The following RALGAPA2 variants were observed in gnomAD, a reference collection of about 807,000 sequenced individuals.
RALGAPA2 encodes ral GTPase-activating protein subunit alpha-2.
Under a neutral mutation model 230.4 loss-of-function variants are expected in RALGAPA2, and 139 were observed. The observed-to-expected ratio is 0.60, with a 90% CI of 0.53 to 0.69. The LOEUF (loss-of-function observed/expected upper bound fraction) is 0.69, where lower values mean the gene tolerates loss of function less well. RALGAPA2 is among the 30% of genes least tolerant of loss of function. The pLI is 0.00. For missense variants in RALGAPA2, 2,163 were observed against 2,276.0 expected (o/e 0.95, Z 1.01); for synonymous variants, 847 against 837.8 (o/e 1.01, Z -0.19).
intron 18 of RALGAPA2, among the ~76,000 whole-genome samples, chr20:20,588,817 T>A (rs2065205247): frequency 6.6e-6 from 1 of 152,114 alleles, no homozygotes; most frequent in African/African-American, 2.4e-5. Flanking sequence ...ATGTTTTAAT[T>A]TTCTTCTTTA....
intron 30 of RALGAPA2, among the ~76,000 whole-genome samples, chr20:20,522,358 A>T (rs778777224): frequency 1.3e-5 from 2 of 152,182 alleles, no homozygotes; most frequent in African/African-American, 4.8e-5. Flanking sequence ...GGTTTATTCT[A>T]TGTAATACTA....
Position 20,495,120 on chromosome 20 carries a change from A to G in RALGAPA2, c.5364T>C (p.Pro1788=). 6.2e-7 allele frequency: 1 copy of G among 1,601,548 alleles called. No individual in the cohort carries two copies. Among genetic ancestry groups the G allele is most frequent in the Non-Finnish European group, 8.5e-7 (1 of 1,170,056 alleles). ...CAACAATGCAATGAAAACGTACCTCAGGTTTCTTCGTTATCGCGATGAAGA... is the reference window on the plus strand; with the variant it reads ...CAACAATGCAATGAAAACGTACCTCGGGTTTCTTCGTTATCGCGATGAAGA... The part of the protein sequence containing the change: ...HMFFIAITKK[P]EVPFFGPLFD... The change falls in exon 36 of 40, where the codon CCT becomes CCC. Residue 1788 remains proline, a synonymous_variant. Transcript: ENST00000202677.
chr20:20,402,099 T>C (rs181070063), intron 38 of RALGAPA2, among the ~76,000 whole-genome samples: 1 of 152,110 alleles, frequency 6.6e-6, no homozygotes, highest in East Asian at 1.9e-4. Context: ...GAGCAATGAG[T>C]CCTGTCTGAG....
In RALGAPA2 at chr20:20,499,500, C is replaced by T. The variant is rs1390636752; in HGVS notation, c.5208+3851G>A. ...TGCAAATAAAAAAGATGTGTGAGCC[C>T]AGCTTAGGATCCTGGTAAGCTACAC... On this transcript the variant is annotated intron_variant, in intron 35 of 39. Coordinates refer to ENST00000202677, the MANE Select transcript of RALGAPA2 (RefSeq NM_020343.4). Among the ~76,000 whole-genome samples, 8 of 152,022 alleles carry T rather than the reference C, an allele frequency of 5.3e-5. No individual in the cohort carries two copies. The South Asian group carries it at 1.5e-3, about 28-fold the overall frequency.
intron 37 of RALGAPA2, among the ~76,000 whole-genome samples, chr20:20,458,790 CTA>C (rs148370065): frequency 4.4e-3 from 50 of 11,242 alleles, no homozygotes; most frequent in African/African-American, 0.015. Context: ...ATATATAGAC[CTA>C]TATATATATA....
intron 37 of RALGAPA2, among the ~76,000 whole-genome samples, chr20:20,428,891 A>T (rs2060445781): frequency 6.6e-6 from 1 of 151,806 alleles, no homozygotes; most frequent in Non-Finnish European, 1.5e-5. Flanking sequence ...CCCTCCTCTA[A>T]ATCTTTGATC....
chr20:20,521,122 G>A, intron 30 of RALGAPA2, 22 bp from the exon 31 acceptor site: 2 of 1,567,748 alleles, frequency 1.3e-6, no homozygotes, highest in African/African-American at 1.4e-5. Flanking sequence ...GAGGCCATGT[G>A]CACCACGGAT....
At chr20:20,415,339 G>A (rs1569376598) in intron 37 of RALGAPA2, among the ~76,000 whole-genome samples, 1 of 152,282 alleles carries the variant, frequency 6.6e-6, no homozygotes, top group South Asian at 2.1e-4. Flanking sequence ...TCACCAATCC[G>A]ATCCCTGTTT....
intron 1 of RALGAPA2, among the ~76,000 whole-genome samples, chr20:20,685,274 T>G (rs1205719548): frequency 6.6e-6 from 1 of 152,098 alleles, no homozygotes; most frequent in Non-Finnish European, 1.5e-5. Context: ...CCCGAGGCCC[T>G]CAGGGGTGCA....
intron 1 of RALGAPA2, among the ~76,000 whole-genome samples, chr20:20,689,579 T>A (rs191815060): frequency 7.9e-5 from 12 of 152,056 alleles, no homozygotes; most frequent in African/African-American, 2.9e-4. Flanking sequence ...GAGGCGGAGG[T>A]TGCAGTGAGC....
At chr20:20,643,685 G>C in intron 4 of RALGAPA2, 136 bp from the exon 5 acceptor site, 3 of 801,918 alleles carry the variant, frequency 3.7e-6, no homozygotes, top group Non-Finnish European at 5.3e-6. Flanking sequence ...CAGAAGCAAA[G>C]CAATGTCACA....
In RALGAPA2 at chr20:20,712,635, C is replaced by T; in HGVS notation, c.-155G>A. The T allele has an allele frequency of 1.7e-6, 2 of 1,179,356 alleles. No individual in the cohort carries two copies. The highest frequency in any genetic ancestry group is 4.1e-5 in the East Asian group (1 of 24,244). The allele number at this position is 1,179,356 out of a possible 1,614,324, so 73.1% of individuals were successfully genotyped here. A position where few individuals can be genotyped will look rare whatever the true frequency, so the allele number is the denominator to read the frequency against. On this transcript the variant is annotated 5_prime_UTR_variant, in exon 1 of 40. Transcript: ENST00000202677. This position sits in a 1 kb window ranked among gnomAD's most constrained non-coding sequence, Gnocchi z 5.5. ...GCCGCCGCCGCCGCCGCCGCCTCAG[C>T]TGTGTCTCCAGGAAGGAGGGGCGGG...
At chr20:20,567,560 T>C (rs1169946618) in intron 23 of RALGAPA2, among the ~76,000 whole-genome samples, 3 of 152,190 alleles carry the variant, frequency 2.0e-5, no homozygotes, top group African/African-American at 7.2e-5. Context: ...GTTGGACCAA[T>C]ACGCTTGCTG....
chr20:20,549,792 C>G (rs1025338303), intron 23 of RALGAPA2, among the ~76,000 whole-genome samples: 1 of 152,134 alleles, frequency 6.6e-6, no homozygotes, highest in Non-Finnish European at 1.5e-5. Context: ...CATTAAGACA[C>G]AGCTATAACA....
chr20:20,605,743 C>T (rs1016872136), intron 14 of RALGAPA2, among the ~76,000 whole-genome samples: 2 of 152,168 alleles, frequency 1.3e-5, no homozygotes, highest in East Asian at 3.9e-4. Flanking sequence ...CTACCATCCA[C>T]AGTGGCTACT....
chr20:20,638,131 G>A (rs1427101148), intron 7 of RALGAPA2, among the ~76,000 whole-genome samples: 6 of 152,172 alleles, frequency 3.9e-5, no homozygotes, highest in Non-Finnish European at 8.8e-5. Flanking sequence ...TGCATAGTGG[G>A]AGCACTCCAA....
intron 13 of RALGAPA2, among the ~76,000 whole-genome samples, chr20:20,614,783 C>G (rs970068220): frequency 6.6e-6 from 1 of 152,214 alleles, no homozygotes; most frequent in African/African-American, 2.4e-5. Flanking sequence ...TCCATGGTTT[C>G]CTACCAACTG....
rs527249730 is a variant in RALGAPA2, at chr20:20,474,845, C to T, written c.5368-1889G>A. On this transcript the variant is annotated intron_variant, in intron 36 of 39. Coordinates refer to ENST00000202677, the MANE Select transcript of RALGAPA2 (RefSeq NM_020343.4). The stretch of plus-strand genomic sequence containing the variant: ...TACCATGCTAGAGTCAGGGGAAAGG[C>T]CTAGGTTGAAGCTGTTCACTTAGAG... Among the ~76,000 whole-genome samples, 6 of 152,232 alleles carry T rather than the reference C, an allele frequency of 3.9e-5. No individual in the cohort carries two copies. In the East Asian group the frequency reaches 1.2e-3, roughly 29 times the overall value.
intron 20 of RALGAPA2, among the ~76,000 whole-genome samples, chr20:20,580,431 C>T (rs1002111315): frequency 2.6e-5 from 4 of 152,154 alleles, no homozygotes; most frequent in Non-Finnish European, 5.9e-5. Context: ...TCAATATCCC[C>T]TGCCCTGTCA....
Sources: gnomAD v4.1 joint callset for allele counts (sites outside exome capture counted in the v4.1 genomes callset) on GRCh38, gnomAD v4.1.1 for gene constraint, Gnocchi (gnomAD v3.1) non-coding constraint, MANE v1.5 for transcripts, NCBI Gene and HGNC (gene_info 2026-07-23, HGNC 2026-07-21) for gene names.